The following VDAC2 variants were observed in gnomAD, a reference collection of about 807,000 sequenced individuals.
VDAC2 encodes non-selective voltage-gated ion channel VDAC2.
In VDAC2, 6 loss-of-function variants were observed where a neutral mutation model predicts 36.6. The observed-to-expected ratio is 0.16, with a 90% CI of 0.09 to 0.32. The LOEUF is 0.32. Ranked by LOEUF, VDAC2 falls within the 10% of genes least tolerant of loss-of-function variation. VDAC2 has a pLI of 1.00. For synonymous variants in VDAC2, 109 were observed against 123.8 expected (o/e 0.88, Z 0.79); for missense variants, 247 against 346.0 (o/e 0.71, Z 2.27).
At chr10:75,212,754 G>A (rs1436935110) in intron 3 of VDAC2, among the ~76,000 whole-genome samples, 1 of 152,048 alleles carries the variant, frequency 6.6e-6, no homozygotes, top group African/African-American at 2.4e-5. Flanking sequence ...TGTGAAAATA[G>A]TTCTTTTACA....
chr10:75,211,862 A>AT (rs1841434373), intron 2 of VDAC2, among the ~76,000 whole-genome samples: 2 of 152,198 alleles, frequency 1.3e-5, no homozygotes, highest in African/African-American at 4.8e-5. Context: ...GTTTTATCTA[A>AT]TTTAGTTAAA....
At chr10:75,210,433 T>G (rs556431557), upstream of VDAC2, among the ~76,000 whole-genome samples, 2 of 152,298 alleles carry the variant, frequency 1.3e-5, no homozygotes, top group Non-Finnish European at 2.9e-5. Flanking sequence ...GTAGGAGAGA[T>G]CTACGTGACC....
intron 6 of VDAC2, among the ~76,000 whole-genome samples, chr10:75,219,921 G>A (rs1459692121): frequency 6.6e-6 from 1 of 151,432 alleles, no homozygotes; most frequent in Non-Finnish European, 1.5e-5. Context: ...TCTGCCTCCC[G>A]GGTTTAAGTG....
chr10:75,218,533 G>T (rs908279508), intron 4 of VDAC2, among the ~76,000 whole-genome samples: 1 of 152,130 alleles, frequency 6.6e-6, no homozygotes, highest in Non-Finnish European at 1.5e-5. Flanking sequence ...AGGCCGAGGT[G>T]GGTGGATCAC....
intron 2 of VDAC2, 27 bp from the exon 3 acceptor site, chr10:75,212,203 A>G (rs765621701): frequency 1.9e-6 from 3 of 1,604,582 alleles, no homozygotes; most frequent in South Asian, 1.1e-5. Context: ...TAGAGACATT[A>G]ACACTGGAAT....
intron 1 of VDAC2, 77 bp from the exon 2 acceptor site, chr10:75,211,057 C>A (rs960237936): frequency 1.4e-4 from 187 of 1,364,278 alleles, no homozygotes; most frequent in Non-Finnish European, 1.8e-4. Context: ...TGCCCCGCGG[C>A]CCCTCGCCCC....
At chr10:75,215,498 C>T (rs764569370) in intron 4 of VDAC2, among the ~76,000 whole-genome samples, 1 of 150,204 alleles carries the variant, frequency 6.7e-6, no homozygotes, top group Admixed American at 6.6e-5. Context: ...ACTACAGACA[C>T]GGGCCACCAC....
At chr10:75,218,976 G>C (rs756933623) in intron 4 of VDAC2, 87 bp from the exon 5 acceptor site, 5 of 1,357,460 alleles carry the variant, frequency 3.7e-6, no homozygotes, top group Non-Finnish European at 5.0e-6. Context: ...AAATGTTTCA[G>C]GGGGTTTGTG....
intron 8 of VDAC2, among the ~76,000 whole-genome samples, chr10:75,224,955 G>A (rs1309786249): frequency 6.6e-6 from 1 of 152,132 alleles, no homozygotes; most frequent in Non-Finnish European, 1.5e-5. Context: ...GAAAGGCAAA[G>A]CAAATATCTC....
At chr10:75,230,112 A>G (rs1476978213) in intron 9 of VDAC2, among the ~76,000 whole-genome samples, 1 of 152,094 alleles carries the variant, frequency 6.6e-6, no homozygotes, top group Non-Finnish European at 1.5e-5. Flanking sequence ...TTTATATAAT[A>G]TTTTGAAGCG....
chr10:75,229,812 G>A (rs1590016558), intron 9 of VDAC2, 111 bp downstream of exon 9: 1 of 755,236 alleles, frequency 1.3e-6, no homozygotes, highest in Admixed American at 3.1e-5. Context: ...TGAAAGAAGA[G>A]TACAATAAAT....
At chr10:75,222,096 G>GA (rs947543623) in intron 7 of VDAC2, among the ~76,000 whole-genome samples, 156 bp from the exon 8 acceptor site, 40 of 152,278 alleles carry the variant, frequency 2.6e-4, no homozygotes, top group African/African-American at 9.1e-4. Flanking sequence ...ATGGGTTGGG[G>GA]AAAAAAACCT....
chr10:75,214,161 T>A, intron 4 of VDAC2, 91 bp downstream of exon 4: 1 of 1,379,244 alleles, frequency 7.3e-7, no homozygotes, highest in Middle Eastern at 2.4e-4. Flanking sequence ...ACCTGTTTTG[T>A]CTTAAAGAAG....
rs138844108 is a variant in VDAC2, at chr10:75,211,175, A to G, written c.17A>G (p.Gln6Arg). 3.7e-6 allele frequency: 6 copies of G among 1,613,220 alleles called. No individual in the cohort carries two copies. The highest frequency in any genetic ancestry group is 1.7e-5 in the Admixed American group (1 of 59,912). Residue 6 changes from glutamine to arginine, a missense_variant, in exon 2 of 10, where the codon CAG becomes CGG. Gln to Arg is a conservative substitution (Grantham distance 43). Coordinates refer to ENST00000332211, the MANE Select transcript of VDAC2 (RefSeq NM_001391963.1). Reference sequence around the variant, plus strand: ...GGCCTCGCCATGGCGACCCACGGACAGACTTGCGCGCGTCGTAAGTAAAGC... The same window carrying G: ...GGCCTCGCCATGGCGACCCACGGACGGACTTGCGCGCGTCGTAAGTAAAGC... MATHG[Q>R]TCARPMCIPP...
intron 8 of VDAC2, among the ~76,000 whole-genome samples, chr10:75,224,292 T>C (rs1841896428): frequency 1.3e-5 from 2 of 152,162 alleles, no homozygotes; most frequent in African/African-American, 4.8e-5. Context: ...CTCACACATG[T>C]GGTCACAGAA....
chr10:75,226,673 G>A (rs994624409), intron 8 of VDAC2, among the ~76,000 whole-genome samples: 12 of 151,994 alleles, frequency 7.9e-5, no homozygotes, highest in African/African-American at 2.7e-4. Context: ...GTGTTGGCCA[G>A]GTGGGTCTCC....
chr10:75,211,038 T>A (rs1177894588), intron 1 of VDAC2, 96 bp from the exon 2 acceptor site: 1 of 1,219,424 alleles, frequency 8.2e-7, no homozygotes, highest in Non-Finnish European at 1.1e-6. Context: ...CTTCCTAAGA[T>A]GGCCGCGCTG....
Position 75,231,050 on chromosome 10 carries a change from T to C in VDAC2, c.*61T>C, listed in dbSNP as rs1842086117. The C allele has an allele frequency of 1.0e-5, 13 of 1,284,008 alleles. No homozygotes were observed. Among genetic ancestry groups the C allele is most frequent in the East Asian group, 7.1e-5 (3 of 42,030 alleles). The allele number at this position is 1,284,008 out of a possible 1,614,324, so 79.5% of individuals were successfully genotyped here. A position where few individuals can be genotyped will look rare whatever the true frequency, so the allele number is the denominator to read the frequency against. ...AAGATTTGGCCTTAATATATTTCCA[T>C]TGTGACCAGCAGCAGGCTTTTTTCC... On this transcript the variant is annotated 3_prime_UTR_variant, in exon 10 of 10. Transcript: ENST00000332211.
intron 4 of VDAC2, 64 bp from the exon 5 acceptor site, chr10:75,218,999 T>C (rs1841706524): frequency 6.6e-7 from 1 of 1,521,322 alleles, no homozygotes; most frequent in Non-Finnish European, 8.9e-7. Context: ...TGTGTGCGTG[T>C]GTAAGGCAGT....
Sources: allele counts gnomAD v4.1 joint callset (sites outside exome capture counted in the v4.1 genomes callset), GRCh38; gene constraint gnomAD v4.1.1; transcripts MANE v1.5; gene names NCBI Gene and HGNC (gene_info 2026-07-23, HGNC 2026-07-21).